The following ANKRD2 variants were observed in gnomAD, a reference collection of about 807,000 sequenced individuals.
ANKRD2 encodes ankyrin repeat domain-containing protein 2.
Under a neutral mutation model 37.3 loss-of-function variants are expected in ANKRD2, and 35 were observed. The observed-to-expected ratio is 0.94, with a 90% CI of 0.72 to 1.24. The LOEUF (loss-of-function observed/expected upper bound fraction) is 1.24. Ranked by LOEUF, ANKRD2 falls within the 50% of genes most tolerant of loss-of-function variation. The pLI is 0.00. For synonymous variants in ANKRD2, 159 were observed against 186.5 expected (o/e 0.85, Z 1.20); for missense variants, 410 against 445.6 (o/e 0.92, Z 0.72).
At chr10:97,575,648 G>A (rs1186877393) in intron 1 of ANKRD2, among the ~76,000 whole-genome samples, 2 of 152,218 alleles carry the variant, frequency 1.3e-5, no homozygotes, top group Admixed American at 6.5e-5. Flanking sequence ...AGTAGCTCAC[G>A]CCTGTAATCC....
At position 97,580,907 on chromosome 10, in the gene ANKRD2, T is replaced by A; in HGVS notation, c.509T>A (p.Leu170Gln). The part of the protein sequence containing the change: ...RASLEGHMEI[L>Q]EKLLDNGATV... ...TCCCTGGAAGGCCACATGGAAATCC[T>A]GGAGAAGCTTCTAGATAATGGGGCC... The change falls in exon 5 of 9, where the codon CTG (leucine) becomes CAG (glutamine). Residue 170 changes from leucine to glutamine, a missense_variant. By Grantham distance (113) the Leu-to-Gln change is moderately radical. Coordinates refer to ENST00000370655, the MANE Select transcript of ANKRD2 (RefSeq NM_001346793.2). 6.2e-7 allele frequency: 1 copy of A among 1,609,358 alleles called. No homozygotes were observed. Among genetic ancestry groups the A allele is most frequent in the Non-Finnish European group, 8.5e-7 (1 of 1,178,096 alleles).
At chr10:97,580,756 A>T in intron 4 of ANKRD2, 99 bp from the exon 5 acceptor site, 1 of 839,182 alleles carries the variant, frequency 1.2e-6, no homozygotes, top group Non-Finnish European at 1.9e-6. Flanking sequence ...CACAGGGGTG[A>T]GAATCAAGCT....
rs1177743100 is a variant in ANKRD2 at position 97,578,171 on chromosome 10, G to A, written c.190-69G>A. ...CCACCCCACCCTCCCCACCAGCTTAGCTCAGAGGTCTCCCAAGCCCCCCAA... is the reference window on the plus strand; with the variant it reads ...CCACCCCACCCTCCCCACCAGCTTAACTCAGAGGTCTCCCAAGCCCCCCAA... On this transcript the variant is annotated intron_variant, in intron 2 of 8. Coordinates refer to ENST00000370655, the MANE Select transcript of ANKRD2 (RefSeq NM_001346793.2). 4 of 494,300 alleles carry A rather than the reference G, an allele frequency of 8.1e-6. No homozygotes were observed. In the East Asian group the frequency reaches 1.9e-4, roughly 24 times the overall value. The allele number at this position is 494,300 out of a possible 1,614,324, so 30.6% of individuals were successfully genotyped here. A position where few individuals can be genotyped will look rare whatever the true frequency, so the allele number is the denominator to read the frequency against.
At chr10:97,574,247 C>T (rs1287491798) in intron 1 of ANKRD2, among the ~76,000 whole-genome samples, 1 of 149,646 alleles carries the variant, frequency 6.7e-6, no homozygotes, top group Non-Finnish European at 1.5e-5. Flanking sequence ...CGCACCACTG[C>T]ACTTCAGCCT....
intron 1 of ANKRD2, among the ~76,000 whole-genome samples, chr10:97,577,292 CTG>C (rs945810906): frequency 3.3e-5 from 5 of 152,244 alleles, no homozygotes; most frequent in African/African-American, 1.2e-4. Context: ...AGGTGAGCCA[CTG>C]TGCCTGGCCT....
intron 1 of ANKRD2, 62 bp from the exon 2 acceptor site, chr10:97,577,738 G>A (rs931239981): frequency 7.3e-7 from 1 of 1,370,268 alleles, no homozygotes; most frequent in Non-Finnish European, 1.0e-6. Context: ...CCTTGGTGTG[G>A]TTGGGGGAGA....
intron 1 of ANKRD2, among the ~76,000 whole-genome samples, chr10:97,575,631 C>T (rs1331672576): frequency 2.0e-5 from 3 of 152,168 alleles, no homozygotes; most frequent in Admixed American, 6.5e-5. Flanking sequence ...AATTTATAGC[C>T]GGGTGCAGTA....
intron 1 of ANKRD2, among the ~76,000 whole-genome samples, chr10:97,576,229 G>C (rs1252556007): frequency 1.3e-5 from 2 of 151,608 alleles, no homozygotes; most frequent in South Asian, 2.1e-4. Context: ...CTCCTTCCCA[G>C]CTGCCACATT....
At chr10:97,581,174 C>T (rs2040893168) in intron 5 of ANKRD2, 142 bp from the exon 6 acceptor site, 1 of 856,140 alleles carries the variant, frequency 1.2e-6, no homozygotes, top group African/African-American at 1.7e-5. Context: ...TTCTTCTGTT[C>T]CACTTGGTCC....
At chr10:97,577,990 C>T (rs1313651017) in intron 2 of ANKRD2, 89 bp downstream of exon 2, 1 of 1,317,326 alleles carries the variant, frequency 7.6e-7, no homozygotes, top group Non-Finnish European at 1.0e-6. Flanking sequence ...GGCCCATGGA[C>T]CAGCAGTTCA....
rs190509029 is a variant in ANKRD2 at position 97,576,844 on chromosome 10, G to A, written c.88-956G>A. The stretch of plus-strand genomic sequence containing the variant: ...CCCAAGTAGCTGGGACTACAGGTGC[G>A]TGCCAACACGCCTGGCTAATTTTTG... On this transcript the variant is annotated intron_variant, in intron 1 of 8. Transcript: ENST00000370655. 9.9e-5 allele frequency among the ~76,000 whole-genome samples: 15 copies of A among 151,358 alleles called. No homozygotes were observed. In the South Asian group the frequency reaches 1.3e-3, roughly 13 times the overall value.
chr10:97,579,833 G>A (rs1564750819), intron 4 of ANKRD2, among the ~76,000 whole-genome samples: 1 of 152,230 alleles, frequency 6.6e-6, no homozygotes, highest in East Asian at 1.9e-4. Flanking sequence ...ATGATCTCAG[G>A]TGATCCACCC....
intron 7 of ANKRD2, 34 bp from the exon 8 acceptor site, chr10:97,582,570 A>G: frequency 1.2e-6 from 2 of 1,605,442 alleles, no homozygotes; most frequent in Non-Finnish European, 8.5e-7. Flanking sequence ...CCCACTGCCC[A>G]CAAGGGCCAT....
At chr10:97,579,628 C>T (rs367777744) in intron 4 of ANKRD2, among the ~76,000 whole-genome samples, 1 of 151,644 alleles carries the variant, frequency 6.6e-6, no homozygotes, top group African/African-American at 2.4e-5. Flanking sequence ...TGCTCTGTCC[C>T]CCAGGCTGGA....
At chr10:97,578,214 G>C (rs759694455) in intron 2 of ANKRD2, 26 bp from the exon 3 acceptor site, 9 of 1,604,706 alleles carry the variant, frequency 5.6e-6, no homozygotes, top group South Asian at 4.4e-5. Context: ...GCCCGGCCTG[G>C]GGGGTTGATG....
chr10:97,578,713 G>A (rs899650935), intron 4 of ANKRD2, 108 bp downstream of exon 4: 1 of 874,562 alleles, frequency 1.1e-6, no homozygotes, highest in African/African-American at 1.7e-5. Flanking sequence ...AGGCACCGGT[G>A]TTCTTTGGAT....
rs1201412127 is a variant in ANKRD2, at chr10:97,572,890, G to A, written c.87+15G>A. ...AGGAGAATGAGGTGCGAGCAGGGGT[G>A]GAGGTGCCCAAGGGGGTCTGAGGAG... On this transcript the variant is annotated intron_variant, in intron 1 of 8. Transcript: ENST00000370655. 4.5e-6 allele frequency: 7 copies of A among 1,549,992 alleles called. No individual in the cohort carries two copies. The highest frequency in any genetic ancestry group is 4.4e-6 in the Non-Finnish European group (5 of 1,146,292).
Position 97,583,813 on chromosome 10 carries a change from C to T in ANKRD2, c.*88C>T, listed in dbSNP as rs1277789504. ...AATGGCTCCCGGAGCTAACTGAGGG[C>T]CCAGCCTTTTTTCTGCATGATCCAG... On this transcript the variant is annotated 3_prime_UTR_variant, in exon 9 of 9. Transcript: ENST00000370655. 4.4e-6 allele frequency: 6 copies of T among 1,373,150 alleles called. No homozygotes were observed. The African/African-American group carries it at 7.6e-5, about 18-fold the overall frequency. The allele number at this position is 1,373,150 out of a possible 1,614,324, so 85.1% of individuals were successfully genotyped here. A position where few individuals can be genotyped will look rare whatever the true frequency, so the allele number is the denominator to read the frequency against.
chr10:97,575,533 T>C (rs1345119013), intron 1 of ANKRD2, among the ~76,000 whole-genome samples: 1 of 152,132 alleles, frequency 6.6e-6, no homozygotes, highest in Non-Finnish European at 1.5e-5. Flanking sequence ...TCAGGCCTGT[T>C]GTCCTGGCGC....
Sources: gnomAD v4.1 joint callset for allele counts (sites outside exome capture counted in the v4.1 genomes callset) on GRCh38, gnomAD v4.1.1 for gene constraint, MANE v1.5 for transcripts, NCBI Gene and HGNC (gene_info 2026-07-23, HGNC 2026-07-21) for gene names.